SYT14: variants seen among roughly 807,000 people sequenced by gnomAD.
SYT14 encodes synaptotagmin 14.
A neutral mutation model predicts 74.2 loss-of-function variants in SYT14; 32 were observed. The ratio of observed to expected loss-of-function variants is 0.43; its 90% CI spans 0.33 to 0.58. The LOEUF is 0.58. Among genes scored for constraint, SYT14 ranks in the 20% least tolerant of loss-of-function variants. SYT14 has a pLI of 0.05. For missense variants in SYT14, 791 were observed against 981.8 expected, an observed-to-expected ratio of 0.81 and a Z score of 2.60; for synonymous variants, 298 against 337.7, an observed-to-expected ratio of 0.88 and a Z score of 1.29.
chr1:210,101,531 T>C (rs2082065674), intron 7 of SYT14, among the ~76,000 whole-genome samples: 1 of 152,122 alleles, frequency 6.6e-6, no homozygotes, highest in Non-Finnish European at 1.5e-5. Flanking sequence ...GATGTAAATA[T>C]AGTATATTCA....
At chr1:210,000,319 G>A (rs950845934) in intron 2 of SYT14, among the ~76,000 whole-genome samples, 3 of 152,120 alleles carry the variant, frequency 2.0e-5, no homozygotes, top group African/African-American at 7.2e-5. Flanking sequence ...AAGGGTAGTA[G>A]AGTTGTTGTG....
intron 5 of SYT14, among the ~76,000 whole-genome samples, chr1:210,088,372 G>A (rs369134476): frequency 4.0e-5 from 6 of 150,616 alleles, no homozygotes; most frequent in East Asian, 3.9e-4. Flanking sequence ...CTGACAGGCC[G>A]TGGTGTGTGA....
chr1:209,959,177 C>G (rs1047827575), intron 2 of SYT14, among the ~76,000 whole-genome samples: 3 of 152,224 alleles, frequency 2.0e-5, no homozygotes, highest in African/African-American at 7.2e-5. Flanking sequence ...GAGTCTCACT[C>G]TGTCATCCAG....
At chr1:209,943,691 A>G (rs1558083436) in intron 1 of SYT14, among the ~76,000 whole-genome samples, 2 of 152,140 alleles carry the variant, frequency 1.3e-5, no homozygotes. Flanking sequence ...GTAGTATAAT[A>G]GATTGTTTTC....
At chr1:210,032,715 C>G (rs2080568331) in intron 5 of SYT14, among the ~76,000 whole-genome samples, 1 of 140,762 alleles carries the variant, frequency 7.1e-6, no homozygotes. Context: ...CAAATAAATA[C>G]TGTAGCAGAA....
chr1:210,108,610 T>A (rs1475228594), intron 7 of SYT14, among the ~76,000 whole-genome samples: 1 of 151,210 alleles, frequency 6.6e-6, no homozygotes, highest in Non-Finnish European at 1.5e-5. Flanking sequence ...GTTTAAATAC[T>A]AATGCAAATG....
chr1:210,031,089 CTTT>C (rs35900057), intron 5 of SYT14, among the ~76,000 whole-genome samples: 2 of 104,334 alleles, frequency 1.9e-5, no homozygotes, highest in Admixed American at 1.0e-4. Context: ...CCATGCCTGT[CTTT>C]TTTTTTTTTT....
chr1:210,156,092 A>G (rs1386945216), intron 8 of SYT14, among the ~76,000 whole-genome samples, 182 bp downstream of exon 7: 1 of 152,172 alleles, frequency 6.6e-6, no homozygotes. Context: ...TTGAAATTCA[A>G]AGTATTCATA....
rs571986636 is a variant in SYT14, at chr1:210,045,430, C to T, written c.1312+24176C>T. Among the ~76,000 whole-genome samples the T allele has an allele frequency of 2.5e-3, 387 of 152,226 alleles. 2 individuals carry two copies. The highest frequency in any genetic ancestry group is 8.9e-3 in the African/African-American group (368 of 41,546). The stretch of plus-strand genomic sequence containing the variant: ...CTTAAAAATTTATAAGTTTAGTACA[C>T]TTTAATGGAGGACATATTCTTTTTT... On this transcript the variant is annotated intron_variant, in intron 5 of 9. Coordinates refer to ENST00000637265, the Ensembl canonical transcript of SYT14.
intron 1 of SYT14, among the ~76,000 whole-genome samples, chr1:209,938,817 C>T (rs2078681182): frequency 6.6e-6 from 1 of 152,078 alleles, no homozygotes; most frequent in East Asian, 1.9e-4. Context: ...GCCCGTTCCC[C>T]TTCTGTTTGC....
chr1:210,075,575 C>T (rs997077353), intron 5 of SYT14, among the ~76,000 whole-genome samples: 6 of 148,772 alleles, frequency 4.0e-5, no homozygotes, highest in Non-Finnish European at 7.6e-5. Flanking sequence ...CCTCGTGATC[C>T]GCCTGCCTCG....
At chr1:210,061,749 G>A (rs1285133054) in intron 5 of SYT14, among the ~76,000 whole-genome samples, 1 of 151,828 alleles carries the variant, frequency 6.6e-6, no homozygotes, top group African/African-American at 2.4e-5. Flanking sequence ...CTGAATTTAA[G>A]TATTAAAAGT....
At chr1:210,155,433 A>G (rs2083249035) in intron 7 of SYT14, among the ~76,000 whole-genome samples, 1 of 152,202 alleles carries the variant, frequency 6.6e-6, no homozygotes, top group Non-Finnish European at 1.5e-5. Context: ...TATTCAAAAA[A>G]CAGTTTATTA....
chr1:210,103,768 C>G (rs1227843408), intron 7 of SYT14, among the ~76,000 whole-genome samples: 3 of 152,076 alleles, frequency 2.0e-5, no homozygotes, highest in African/African-American at 7.2e-5. Context: ...AAGGCCTATC[C>G]ATCTCTGATA....
chr1:210,102,381 G>A (rs2082083877), intron 7 of SYT14, among the ~76,000 whole-genome samples: 1 of 151,970 alleles, frequency 6.6e-6, no homozygotes, highest in Admixed American at 6.6e-5. Flanking sequence ...TCAGTACCCT[G>A]TATTTAATTG....
chr1:209,949,074 T>G (rs2078868297), intron 1 of SYT14, among the ~76,000 whole-genome samples: 1 of 152,226 alleles, frequency 6.6e-6, no homozygotes, highest in Non-Finnish European at 1.5e-5. Flanking sequence ...ATTACAAATT[T>G]AACATTTCTT....
chr1:210,044,563 T>C (rs568689633), intron 5 of SYT14, among the ~76,000 whole-genome samples: 4 of 152,346 alleles, frequency 2.6e-5, no homozygotes, highest in Middle Eastern at 3.4e-3. Flanking sequence ...GTGATAGATA[T>C]GTTCTTTCTG....
chr1:209,950,286 G>C (rs1399332116), intron 1 of SYT14, among the ~76,000 whole-genome samples: 3 of 151,994 alleles, frequency 2.0e-5, no homozygotes, highest in African/African-American at 7.2e-5. Context: ...AACATCATAG[G>C]CCTCAATATA....
At chr1:210,042,348 G>A (rs899197815) in intron 5 of SYT14, among the ~76,000 whole-genome samples, 3 of 152,300 alleles carry the variant, frequency 2.0e-5, no homozygotes, top group African/African-American at 7.2e-5. Context: ...TTCTTTTGCT[G>A]TGCAGAAGCT....
Sources: gnomAD v4.1 joint callset for allele counts (sites outside exome capture counted in the v4.1 genomes callset) on GRCh38, gnomAD v4.1.1 for gene constraint, MANE v1.5 for transcripts, NCBI Gene and HGNC (gene_info 2026-07-23, HGNC 2026-07-21) for gene names.